EXOC7: variants seen among roughly 807,000 people sequenced by gnomAD.
EXOC7 encodes exocyst complex component 7, also known as exocyst complex component Exo70.
A neutral mutation model predicts 87.6 loss-of-function variants in EXOC7; 51 were observed. The ratio of observed to expected loss-of-function variants is 0.58; its 90% CI spans 0.46 to 0.73. The LOEUF (loss-of-function observed/expected upper bound fraction) is 0.73, where lower values mean the gene tolerates loss of function less well. EXOC7 is among the 30% of genes least tolerant of loss of function. The pLI, the probability that EXOC7 is intolerant of heterozygous loss-of-function variation, is 0.00. For missense variants in EXOC7, 744 were observed against 888.4 expected (o/e 0.84, Z 2.07); for synonymous variants, 327 against 357.1 (o/e 0.92, Z 0.95).
At chr17:76,102,427 C>G (rs983162326) in intron 2 of EXOC7, among the ~76,000 whole-genome samples, 5 of 124,424 alleles carry the variant, frequency 4.0e-5, no homozygotes, top group African/African-American at 1.1e-4. Context: ...GACACACACA[C>G]ACACACACAC....
At chr17:76,090,502 C>G (rs756262891) in intron 7 of EXOC7, 1 of 1,549,256 alleles carries the variant, frequency 6.5e-7, no homozygotes, top group African/African-American at 1.4e-5. Context: ...AGGAGGGGGA[C>G]GTCAGATGGG....
Position 76,103,776 on chromosome 17 carries a change from G to T in EXOC7, c.-84C>A. The T allele has an allele frequency of 6.9e-7, 1 of 1,456,816 alleles. No individual in the cohort carries two copies. The highest frequency in any genetic ancestry group is 9.3e-7 in the Non-Finnish European group (1 of 1,075,082). 90.2% of individuals were successfully genotyped at this position (1,456,816 alleles called of 1,614,324 possible). ...CCCCGTCCCCGTCACACCCACTTCC[G>T]CTCTTGGTCCCGCCCCGGGACGCCT... is the stretch of plus-strand genomic sequence containing the variant. On this transcript the variant is annotated 5_prime_UTR_variant, in exon 1 of 19. Coordinates refer to ENST00000589210, the MANE Select transcript of EXOC7 (RefSeq NM_001013839.4).
At chr17:76,098,705 CAA>C (rs56057342) in intron 4 of EXOC7, among the ~76,000 whole-genome samples, 4 of 147,098 alleles carry the variant, frequency 2.7e-5, no homozygotes, top group Admixed American at 1.4e-4. Context: ...ACTAAAAATA[CAA>C]AAAAAAAAAT....
At chr17:76,094,340 C>T (rs777001452) in intron 6 of EXOC7, 74 bp downstream of exon 6, 1 of 1,496,098 alleles carries the variant, frequency 6.7e-7, no homozygotes, top group Non-Finnish European at 9.0e-7. Flanking sequence ...GCTGCGAACG[C>T]TAGATTGGAC....
chr17:76,083,022 T>G lies in EXOC7; in HGVS notation c.*626A>C. ...CCAGAGACAGGGGCCTGAGGAAGGC[T>G]GTAGAGGGTGGGGCGGAACTCCTCC... On this transcript the variant is annotated 3_prime_UTR_variant, in exon 19 of 19. Coordinates refer to ENST00000589210, the MANE Select transcript of EXOC7 (RefSeq NM_001013839.4). 1 of 196,198 alleles carries G rather than the reference T, an allele frequency of 5.1e-6. No homozygotes were observed. The highest frequency in any genetic ancestry group is 1.0e-5 in the Non-Finnish European group (1 of 97,114). The allele number at this position is 196,198 out of a possible 1,614,324, so 12.2% of individuals were successfully genotyped here.
In EXOC7 at chr17:76,088,548, G is replaced by A. The variant is rs1489973302; in HGVS notation, c.1215C>T (p.Ser405=). 6.2e-7 allele frequency: 1 copy of A among 1,613,470 alleles called. No individual in the cohort carries two copies. Among genetic ancestry groups the A allele is most frequent in the Non-Finnish European group, 8.5e-7 (1 of 1,179,864 alleles). ...TGAGGCCAGGCAGCTTGTTCTTTGT[G>A]CTGGCAGCCGTGCCCTGAGGAAGCA... The part of the protein sequence containing the change: ...FDQVLQGTAA[S]TKNKLPGLIT... The change falls in exon 10 of 19, where the codon AGC becomes AGT. Residue 405 remains serine, a synonymous_variant. Transcript: ENST00000589210.
Position 76,081,491 on chromosome 17 carries a change from C to G in EXOC7, c.*2157G>C. ...GGCCAGAGGCCAGGCCCCATGCCCC[C>G]GATGCCCACCTCCTTCCCCCCCGCC... is the stretch of plus-strand genomic sequence containing the variant. On this transcript the variant is annotated 3_prime_UTR_variant, in exon 19 of 19. Transcript: ENST00000589210. 1 of 1,610,000 alleles carries G rather than the reference C, an allele frequency of 6.2e-7. No homozygotes were observed. Among genetic ancestry groups the G allele is most frequent in the Non-Finnish European group, 8.5e-7 (1 of 1,178,414 alleles).
chr17:76,091,886 A>T (rs941172497), intron 6 of EXOC7, among the ~76,000 whole-genome samples: 6 of 152,208 alleles, frequency 3.9e-5, no homozygotes, highest in Non-Finnish European at 8.8e-5. Flanking sequence ...AACAGAAGCC[A>T]CCACACAGAG....
chr17:76,103,557 C>A (rs1567996161), intron 1 of EXOC7, 76 bp downstream of exon 1: 3 of 1,594,822 alleles, frequency 1.9e-6, no homozygotes, highest in East Asian at 2.3e-5. Flanking sequence ...CTGCCTCCTC[C>A]ATGAGTAGAC....
intron 3 of EXOC7, 147 bp from the exon 4 acceptor site, chr17:76,101,523 T>A: frequency 7.4e-7 from 1 of 1,352,166 alleles, no homozygotes. Context: ...GCCTAGGGCT[T>A]AAAAGGCGTC....
In EXOC7 at chr17:76,085,712, G is replaced by A. The variant is rs765586850; in HGVS notation, c.1581C>T (p.His527=). ...ACTTGAGGATGTAATTGTAGTTGTT[G>A]TGCAGGAAGATGGCGCTCAGAGCTG... The part of the protein sequence containing the change: ...EDPALSAIFL[H]NNYNYILKSL... Residue 527 remains histidine, a synonymous_variant, in exon 14 of 19, where the codon CAC becomes CAT. Coordinates refer to ENST00000589210, the MANE Select transcript of EXOC7 (RefSeq NM_001013839.4). 1 of 1,614,002 alleles carries A rather than the reference G, an allele frequency of 6.2e-7. No homozygotes were observed. The highest frequency in any genetic ancestry group is 1.3e-5 in the African/African-American group (1 of 74,934).
chr17:76,084,368 T>G, intron 16 of EXOC7, 79 bp from the exon 17 acceptor site: 1 of 1,600,032 alleles, frequency 6.2e-7, no homozygotes, highest in Middle Eastern at 1.7e-4. Context: ...CAAACACCCT[T>G]GGTCTGGGCC....
Position 76,081,544 on chromosome 17 carries a change from G to T in EXOC7, c.*2104C>A. 2 of 1,613,210 alleles carry T rather than the reference G, an allele frequency of 1.2e-6. No homozygotes were observed. The highest frequency in any genetic ancestry group is 1.7e-6 in the Non-Finnish European group (2 of 1,180,010). ...GAAGGCCCTGACTTTTCCCCTTCCA[G>T]CTGAGGCTGAAGAACACGGCGCTCA... On this transcript the variant is annotated 3_prime_UTR_variant, in exon 19 of 19. Transcript: ENST00000589210.
At position 76,094,597 on chromosome 17, in the gene EXOC7, G is replaced by A. The variant is rs774388260; in HGVS notation, c.641-16C>T. ...TTCATGAAATCTGAGGAGACACAGA[G>A]GGATAGAGGTACGGCTGCCAGGCCC... On this transcript the variant is annotated splice_polypyrimidine_tract_variant and intron_variant, in intron 5 of 18. Coordinates refer to ENST00000589210, the MANE Select transcript of EXOC7 (RefSeq NM_001013839.4). 2 of 1,606,414 alleles carry A rather than the reference G, an allele frequency of 1.2e-6. No homozygotes were observed. Among genetic ancestry groups the A allele is most frequent in the Non-Finnish European group, 1.7e-6 (2 of 1,175,366 alleles).
Position 76,097,874 on chromosome 17 carries a change from G to C in EXOC7, c.562C>G (p.Leu188Val). 2 of 1,614,116 alleles carry C rather than the reference G, an allele frequency of 1.2e-6. No individual in the cohort carries two copies. The highest frequency in any genetic ancestry group is 1.1e-5 in the South Asian group (1 of 91,086). ...DDLEAQEDVT[L>V]EHLPESVLQD... ...AGCACGCTCTCGGGCAGGTGCTCCAGGGTCACGTCCTCCTGGGCCTCCAGA... is the reference window on the plus strand; with the variant it reads ...AGCACGCTCTCGGGCAGGTGCTCCACGGTCACGTCCTCCTGGGCCTCCAGA... Residue 188 changes from leucine to valine, a missense_variant, in exon 5 of 19, where the codon CTG becomes GTG. Leu to Val is a conservative substitution (Grantham distance 32, BLOSUM62 1). Transcript: ENST00000589210.
At chr17:76,101,616 G>C in intron 3 of EXOC7, 63 bp downstream of exon 3, 2 of 1,539,636 alleles carry the variant, frequency 1.3e-6, no homozygotes, top group Non-Finnish European at 1.8e-6. Flanking sequence ...TGGGATTACA[G>C]ACCAACCCTC....
chr17:76,103,440 A>AG lies in EXOC7; in HGVS notation c.61-15dup, dbSNP rs2068176904. ...AGTCTCCTCCTCCTGGGGGCAGGCA[A>AG]GGGGAGGACATCACCAGAAACCAGA... On this transcript the variant is annotated splice_polypyrimidine_tract_variant and intron_variant, in intron 1 of 18. Coordinates refer to ENST00000589210, the MANE Select transcript of EXOC7 (RefSeq NM_001013839.4). 1 of 1,592,396 alleles carries AG rather than the reference A, an allele frequency of 6.3e-7. No homozygotes were observed. The highest frequency in any genetic ancestry group is 1.3e-5 in the African/African-American group (1 of 74,620).
At chr17:76,090,530 C>A in intron 7 of EXOC7, 3 of 1,528,274 alleles carry the variant, frequency 2.0e-6, no homozygotes, top group African/African-American at 2.7e-5. Flanking sequence ...AAGGGGGCAT[C>A]GGAGAGGGCC....
intron 12 of EXOC7, chr17:76,087,361 G>C: frequency 2.1e-6 from 1 of 485,632 alleles, no homozygotes; most frequent in South Asian, 2.7e-5. Flanking sequence ...AGGGGGGCAG[G>C]GGCAGAAAGG....
Sources: allele counts gnomAD v4.1 joint callset (sites outside exome capture counted in the v4.1 genomes callset), GRCh38; gene constraint gnomAD v4.1.1; transcripts MANE v1.5; gene names NCBI Gene and HGNC (gene_info 2026-07-23, HGNC 2026-07-21).